Variants in IL1RAPL1 observed in about 807,000 individuals in gnomAD.
IL1RAPL1 encodes interleukin-1 receptor accessory protein-like 1.
Under a neutral mutation model 48.4 loss-of-function variants are expected in IL1RAPL1, and 3 were observed. That is an observed-to-expected ratio of 0.06 (90% CI 0.03 to 0.16). IL1RAPL1 has a LOEUF of 0.16. Among genes scored for constraint, IL1RAPL1 ranks in the 10% least tolerant of loss-of-function variants. The pLI, the probability that IL1RAPL1 is intolerant of heterozygous loss-of-function variation, is 1.00. For synonymous variants in IL1RAPL1, 185 were observed against 187.7 expected (o/e 0.99, Z 0.12); for missense variants, 349 against 530.6 (o/e 0.66, Z 3.36).
chrX:29,773,238 A>G (rs773979576), intron 6 of IL1RAPL1, among the ~76,000 whole-genome samples: 1 of 112,010 alleles, frequency 8.9e-6, no homozygotes, highest in Non-Finnish European at 1.9e-5. Context: ...GGTGGCACTA[A>G]AGATAAAGAT....
At chrX:29,907,071 G>T (rs189491129) in intron 6 of IL1RAPL1, among the ~76,000 whole-genome samples, 231 of 111,744 alleles carry the variant, frequency 2.1e-3, no homozygotes, top group Non-Finnish European at 4.0e-3. Context: ...GTAATTGCTA[G>T]TAATAACTTT....
chrX:29,857,212 C>A (rs1931493206), intron 6 of IL1RAPL1, among the ~76,000 whole-genome samples: 2 of 111,197 alleles, frequency 1.8e-5, no homozygotes, highest in Admixed American at 1.9e-4. Context: ...AAGAGAAAAA[C>A]TTCCACAGAA....
chrX:29,736,666 C>G (rs1375358060), intron 6 of IL1RAPL1, among the ~76,000 whole-genome samples: 2 of 110,717 alleles, frequency 1.8e-5, no homozygotes, highest in Non-Finnish European at 3.8e-5. Flanking sequence ...GCAGAGGTTA[C>G]AGTGAGCCGA....
chrX:28,873,690 G>GGC (rs1922284241), intron 2 of IL1RAPL1, among the ~76,000 whole-genome samples: 4 of 106,800 alleles, frequency 3.7e-5, no homozygotes, highest in Admixed American at 1.0e-4. Flanking sequence ...CGCCACCACA[G>GGC]CCGGCTAATT....
intron 5 of IL1RAPL1, among the ~76,000 whole-genome samples, chrX:29,513,355 A>C (rs1442618690): frequency 9.0e-6 from 1 of 111,666 alleles, no homozygotes; most frequent in Non-Finnish European, 1.9e-5. Context: ...GAACACTTTT[A>C]TGCCATTAGA....
At chrX:29,306,422 G>A (rs1290247967) in intron 3 of IL1RAPL1, among the ~76,000 whole-genome samples, 30 of 106,546 alleles carry the variant, frequency 2.8e-4, no homozygotes, top group Non-Finnish European at 5.2e-4. Flanking sequence ...CCAGCTACTC[G>A]GGAGGCTGAG....
intron 1 of IL1RAPL1, among the ~76,000 whole-genome samples, chrX:28,680,765 A>T (rs927120637): frequency 3.6e-5 from 4 of 111,933 alleles, no homozygotes; most frequent in Non-Finnish European, 7.5e-5. Flanking sequence ...TATCACATTG[A>T]TCGATATGTT....
intron 6 of IL1RAPL1, among the ~76,000 whole-genome samples, chrX:29,796,524 C>A (rs1265812266): frequency 3.6e-5 from 4 of 111,484 alleles, no homozygotes; most frequent in Non-Finnish European, 7.5e-5. Flanking sequence ...AGCCCTTATA[C>A]CCAACAGCCA....
intron 2 of IL1RAPL1, among the ~76,000 whole-genome samples, chrX:29,052,560 T>A (rs751426862): frequency 9.9e-5 from 11 of 111,055 alleles, no homozygotes; most frequent in Non-Finnish European, 1.9e-5. Context: ...TTTCCCCTTT[T>A]CCTACCCTCC....
At chrX:29,623,217 G>A (rs182940461) in intron 5 of IL1RAPL1, among the ~76,000 whole-genome samples, 1,588 of 108,327 alleles carry the variant, frequency 0.015, 40 homozygotes, top group African/African-American at 0.051. Context: ...GGGAGATGGA[G>A]CTTGCCAGCG....
chrX:29,836,004 C>T (rs752006216), intron 6 of IL1RAPL1, among the ~76,000 whole-genome samples: 1 of 99,032 alleles, frequency 1.0e-5, no homozygotes, highest in African/African-American at 3.7e-5. Context: ...TTATTTATTT[C>T]TGCTCTGATC....
intron 1 of IL1RAPL1, among the ~76,000 whole-genome samples, chrX:28,714,597 C>T (rs535159537): frequency 3.6e-5 from 4 of 112,060 alleles, no homozygotes; most frequent in African/African-American, 9.7e-5. Context: ...CCTGTGGTGA[C>T]GTTAGCTGGC....
At chrX:29,683,195 G>A (rs1926512064) in intron 6 of IL1RAPL1, among the ~76,000 whole-genome samples, 1 of 111,910 alleles carries the variant, frequency 8.9e-6, no homozygotes, top group African/African-American at 3.2e-5. Flanking sequence ...ACAAGGTCTG[G>A]TCAAATCCAC....
intron 6 of IL1RAPL1, among the ~76,000 whole-genome samples, chrX:29,887,692 C>T (rs73456469): frequency 0.017 from 1,818 of 109,660 alleles, 48 homozygotes; most frequent in African/African-American, 0.057. Flanking sequence ...TGAGCTAGGT[C>T]AGAATGATTT....
At chrX:29,911,677 C>A (rs886845415) in intron 6 of IL1RAPL1, among the ~76,000 whole-genome samples, 2 of 111,562 alleles carry the variant, frequency 1.8e-5, no homozygotes, top group African/African-American at 3.3e-5. Context: ...GAGTTCTTTG[C>A]GGAATCATAT....
intron 2 of IL1RAPL1, among the ~76,000 whole-genome samples, chrX:28,895,275 G>T (rs773461791): frequency 9.0e-6 from 1 of 110,679 alleles, no homozygotes; most frequent in South Asian, 3.8e-4. Context: ...GAATTGTAAG[G>T]GGAGTTATAG....
At chrX:29,694,496 A>T (rs1601782528) in intron 6 of IL1RAPL1, among the ~76,000 whole-genome samples, 1 of 111,403 alleles carries the variant, frequency 9.0e-6, no homozygotes, top group Middle Eastern at 4.7e-3. Context: ...ATGGTGCCTC[A>T]GTCTACTTGT....
chrX:29,215,342 CAAA>C (rs748922177), intron 2 of IL1RAPL1, among the ~76,000 whole-genome samples: 2 of 65,972 alleles, frequency 3.0e-5, no homozygotes, highest in Admixed American at 1.9e-4. Context: ...GACTCTGTCT[CAAA>C]AAAAAAAAAA....
intron 6 of IL1RAPL1, among the ~76,000 whole-genome samples, chrX:29,759,809 T>C (rs1011598437): frequency 1.8e-5 from 2 of 111,993 alleles, no homozygotes; most frequent in East Asian, 2.8e-4. Flanking sequence ...AAAGAGGCTA[T>C]GCCAAAATTA....
Sources: gnomAD v4.1 joint callset for allele counts (sites outside exome capture counted in the v4.1 genomes callset) on GRCh38, gnomAD v4.1.1 for gene constraint, MANE v1.5 for transcripts, NCBI Gene and HGNC (gene_info 2026-07-23, HGNC 2026-07-21) for gene names.